Variants in PRKG1 observed in about 807,000 individuals in gnomAD.
PRKG1 encodes cGMP-dependent protein kinase 1.
PRKG1 carries 35 observed loss-of-function variants against 88.1 expected under a neutral mutation model. The observed-to-expected ratio is 0.40, with a 90% CI of 0.30 to 0.53. PRKG1 has a LOEUF of 0.53. Among genes scored for constraint, PRKG1 ranks in the 20% least tolerant of loss-of-function variants. The probability of loss-of-function intolerance (pLI) is 0.59; values close to 1 mark genes in which losing one functional copy is unlikely to be tolerated. For synonymous variants in PRKG1, 303 were observed against 292.5 expected (o/e 1.04, Z -0.37); for missense variants, 540 against 839.8 (o/e 0.64, Z 4.41).
intron 4 of PRKG1, among the ~76,000 whole-genome samples, chr10:51,866,162 A>C (rs1289022500): frequency 6.6e-6 from 1 of 151,966 alleles, no homozygotes; most frequent in East Asian, 1.9e-4. Flanking sequence ...GAGATATATT[A>C]ATTTAAACAT....
intron 8 of PRKG1, among the ~76,000 whole-genome samples, chr10:52,137,254 T>C (rs1308405753): frequency 6.6e-6 from 1 of 152,100 alleles, no homozygotes; most frequent in Non-Finnish European, 1.5e-5. Flanking sequence ...CAGAAGATGA[T>C]AAACAGATAC....
chr10:51,885,431 A>G (rs956962590), intron 4 of PRKG1, among the ~76,000 whole-genome samples: 3 of 152,248 alleles, frequency 2.0e-5, no homozygotes, highest in African/African-American at 7.2e-5. Context: ...AATGCAATTG[A>G]CTTGCTTTTT....
At chr10:52,096,196 G>A (rs1847169051) in intron 7 of PRKG1, among the ~76,000 whole-genome samples, 1 of 152,098 alleles carries the variant, frequency 6.6e-6, no homozygotes, top group Admixed American at 6.5e-5. Context: ...TTTAAACAAA[G>A]GTCTCAGACT....
chr10:51,121,592 G>A (rs1845262135), intron 1 of PRKG1, among the ~76,000 whole-genome samples: 1 of 152,068 alleles, frequency 6.6e-6, no homozygotes, highest in African/African-American at 2.4e-5. Context: ...TCTGCAGAAG[G>A]TACTTTTCCC....
At chr10:51,275,148 A>G (rs1564665675) in intron 2 of PRKG1, among the ~76,000 whole-genome samples, 1 of 152,194 alleles carries the variant, frequency 6.6e-6, no homozygotes, top group Non-Finnish European at 1.5e-5. Context: ...TGGACATGAC[A>G]TCCTTATTTA....
chr10:51,680,049 A>G (rs1840810580), intron 3 of PRKG1, among the ~76,000 whole-genome samples: 1 of 152,144 alleles, frequency 6.6e-6, no homozygotes, highest in African/African-American at 2.4e-5. Flanking sequence ...TGGAAAAGGA[A>G]AGTGCCTTGG....
intron 5 of PRKG1, among the ~76,000 whole-genome samples, chr10:51,940,830 A>C (rs1414458157): frequency 6.6e-6 from 1 of 151,998 alleles, no homozygotes. Context: ...AGAATGAGTA[A>C]CACATCCTTT....
intron 2 of PRKG1, among the ~76,000 whole-genome samples, chr10:51,254,852 A>G (rs969895594): frequency 1.1e-4 from 17 of 152,030 alleles, no homozygotes; most frequent in African/African-American, 3.9e-4. Context: ...GATCTATGGT[A>G]TGCTCTTTGG....
At chr10:52,186,645 A>G (rs1301969031) in intron 9 of PRKG1, among the ~76,000 whole-genome samples, 7 of 152,064 alleles carry the variant, frequency 4.6e-5, no homozygotes, top group African/African-American at 1.7e-4. Flanking sequence ...GCCTCTACCT[A>G]CTAGATACCA....
Position 51,534,410 on chromosome 10 carries a change from T to C in PRKG1, c.592+66574T>C, listed in dbSNP as rs565629835. Among the ~76,000 whole-genome samples the C allele has an allele frequency of 1.2e-3, 182 of 152,174 alleles. 1 individual carries two copies. The highest frequency in any genetic ancestry group is 4.2e-3 in the African/African-American group (175 of 41,540). ...TGGGCTGGGCGCGGTGGCTCACACC[T>C]GTAATCCCAGCACTTTGGGAGGCTG... On this transcript the variant is annotated intron_variant, in intron 3 of 17. Transcript: ENST00000373980.
chr10:51,379,463 C>T (rs930959907), intron 2 of PRKG1, among the ~76,000 whole-genome samples: 4 of 152,172 alleles, frequency 2.6e-5, no homozygotes, highest in Non-Finnish European at 5.9e-5. Flanking sequence ...TTGCTGTGGT[C>T]ATTATCTTTA....
At chr10:52,230,654 C>T (rs1294809213) in intron 9 of PRKG1, 1 of 152,146 alleles carries the variant, frequency 6.6e-6, no homozygotes, top group South Asian at 2.1e-4. Flanking sequence ...ACTCATCGCT[C>T]ACATGGATAT....
At chr10:51,500,462 A>C (rs1006139508) in intron 3 of PRKG1, among the ~76,000 whole-genome samples, 22 of 152,190 alleles carry the variant, frequency 1.4e-4, no homozygotes, top group Admixed American at 5.2e-4. Flanking sequence ...TGAGCTATTC[A>C]ATAAATACAG....
chr10:51,092,876 A>G (rs989041310), intron 1 of PRKG1, among the ~76,000 whole-genome samples: 1 of 152,194 alleles, frequency 6.6e-6, no homozygotes, highest in Non-Finnish European at 1.5e-5. Flanking sequence ...AAAAGTGAGC[A>G]ATGTTTGTGG....
At chr10:51,268,812 G>A (rs570016384) in intron 2 of PRKG1, among the ~76,000 whole-genome samples, 1 of 152,334 alleles carries the variant, frequency 6.6e-6, no homozygotes, top group African/African-American at 2.4e-5. Flanking sequence ...GACTGGGGAA[G>A]TGATAGTTGT....
intron 3 of PRKG1, among the ~76,000 whole-genome samples, chr10:51,528,287 T>C (rs910839283): frequency 3.3e-5 from 5 of 152,214 alleles, no homozygotes; most frequent in Admixed American, 3.3e-4. Context: ...GTAAAAGTTC[T>C]GGTTAAAATG....
intron 2 of PRKG1, among the ~76,000 whole-genome samples, chr10:51,238,257 A>G (rs1839051346): frequency 1.3e-5 from 2 of 152,126 alleles, no homozygotes; most frequent in Non-Finnish European, 1.5e-5. Context: ...GTTGTACTTT[A>G]TTGAGTTGCT....
intron 3 of PRKG1, among the ~76,000 whole-genome samples, chr10:51,796,511 T>C (rs1839015991): frequency 6.6e-6 from 1 of 152,054 alleles, no homozygotes; most frequent in African/African-American, 2.4e-5. Context: ...GTATGGCAAA[T>C]AGCTATTATA....
At chr10:51,791,723 G>T (rs1838874436) in intron 3 of PRKG1, among the ~76,000 whole-genome samples, 2 of 152,062 alleles carry the variant, frequency 1.3e-5, no homozygotes, top group Admixed American at 6.6e-5. Flanking sequence ...ACAATCAGAA[G>T]GTTGCAGACA....
Sources: gnomAD v4.1 joint callset for allele counts (sites outside exome capture counted in the v4.1 genomes callset) on GRCh38, gnomAD v4.1.1 for gene constraint, MANE v1.5 for transcripts, NCBI Gene and HGNC (gene_info 2026-07-23, HGNC 2026-07-21) for gene names.